PARD3: variants seen among roughly 807,000 people sequenced by gnomAD.
The protein encoded by PARD3 is par-3 family cell polarity regulator.
In PARD3, 75 loss-of-function variants were observed where a neutral mutation model predicts 155.4. The observed-to-expected ratio is 0.48, with a 90% confidence interval of 0.40 to 0.58. PARD3 has a LOEUF of 0.58. Ranked by LOEUF, PARD3 falls within the 20% of genes least tolerant of loss-of-function variation. The pLI is 0.00. For missense variants in PARD3, 1,642 were observed against 1,721.7 expected, an observed-to-expected ratio of 0.95 and a Z score of 0.82; for synonymous variants, 576 against 610.5, an observed-to-expected ratio of 0.94 and a Z score of 0.83.
chr10:34,269,544 G>T, intron 22 of PARD3, 113 bp downstream of exon 22: 1 of 1,143,316 alleles, frequency 8.7e-7, no homozygotes, highest in Non-Finnish European at 1.3e-6. Flanking sequence ...CTTTTTAAAG[G>T]CCATTAATAA....
intron 22 of PARD3, among the ~76,000 whole-genome samples, chr10:34,166,106 T>C (rs1408196572): frequency 1.3e-5 from 2 of 152,240 alleles, no homozygotes; most frequent in African/African-American, 4.8e-5. Flanking sequence ...AAGTACTTTA[T>C]TGCTGATAAA....
In PARD3 at chr10:34,666,446, T is replaced by C. The variant is rs185204559; in HGVS notation, c.222+29872A>G. 1.4e-4 allele frequency among the ~76,000 whole-genome samples: 22 copies of C among 152,116 alleles called. No individual in the cohort carries two copies. The East Asian group carries it at 4.1e-3, about 28-fold the overall frequency. On this transcript the variant is annotated intron_variant, in intron 2 of 24. Coordinates refer to ENST00000374788, the MANE Select transcript of PARD3 (RefSeq NM_001184785.2). The stretch of plus-strand genomic sequence containing the variant: ...CTCCTTGACAAAGCTTAGAAGTTAA[T>C]TCAGTATTACCACTAGACTCTAGGT...
chr10:34,782,507 T>G (rs1364769307), intron 1 of PARD3, among the ~76,000 whole-genome samples: 1 of 152,186 alleles, frequency 6.6e-6, no homozygotes, highest in Non-Finnish European at 1.5e-5. Flanking sequence ...TTAAATAACT[T>G]TAATCCTCAC....
chr10:34,197,841 T>C (rs998558965), intron 22 of PARD3, among the ~76,000 whole-genome samples: 1 of 152,200 alleles, frequency 6.6e-6, no homozygotes, highest in African/African-American at 2.4e-5. Flanking sequence ...GTGATTCTCC[T>C]GCCCCAGCCT....
intron 2 of PARD3, among the ~76,000 whole-genome samples, chr10:34,691,297 C>T (rs1216919675): frequency 6.6e-6 from 1 of 152,198 alleles, no homozygotes; most frequent in African/African-American, 2.4e-5. Context: ...TACACACCAA[C>T]AACATCCAAA....
intron 22 of PARD3, among the ~76,000 whole-genome samples, chr10:34,149,122 T>A (rs1454942810): frequency 6.6e-6 from 1 of 152,148 alleles, no homozygotes; most frequent in Non-Finnish European, 1.5e-5. Context: ...GGTGATGGTA[T>A]GTATTAAAAT....
intron 2 of PARD3, among the ~76,000 whole-genome samples, chr10:34,571,896 C>T (rs1312692990): frequency 1.3e-5 from 2 of 152,006 alleles, no homozygotes; most frequent in Admixed American, 1.3e-4. Flanking sequence ...AAAAAGTTAC[C>T]TAACAAGCAA....
At chr10:34,438,578 T>G (rs373797834) in intron 5 of PARD3, among the ~76,000 whole-genome samples, 1 of 152,152 alleles carries the variant, frequency 6.6e-6, no homozygotes, top group Non-Finnish European at 1.5e-5. Flanking sequence ...TCAGAAAAAG[T>G]AGGGACATTA....
intron 2 of PARD3, among the ~76,000 whole-genome samples, chr10:34,688,621 A>G (rs2093992841): frequency 6.6e-6 from 1 of 152,228 alleles, no homozygotes; most frequent in Non-Finnish European, 1.5e-5. Flanking sequence ...AGTATTCTAC[A>G]CCTTAGAAAA....
chr10:34,222,971 C>T (rs1360431572), intron 22 of PARD3, among the ~76,000 whole-genome samples: 1 of 152,204 alleles, frequency 6.6e-6, no homozygotes, highest in African/African-American at 2.4e-5. Flanking sequence ...AACCTTTTCG[C>T]AGGTGTACCG....
intron 1 of PARD3, among the ~76,000 whole-genome samples, chr10:34,782,686 A>G (rs954926924): frequency 9.9e-5 from 15 of 152,114 alleles, no homozygotes. Context: ...TATTCCAAGA[A>G]GGACTTAACG....
chr10:34,622,414 C>A (rs913835172), intron 2 of PARD3, among the ~76,000 whole-genome samples: 2 of 152,146 alleles, frequency 1.3e-5, no homozygotes, highest in African/African-American at 2.4e-5. Flanking sequence ...TTGTTTCCTT[C>A]TCTGAAATTT....
chr10:34,536,289 A>T (rs1449147115), intron 2 of PARD3, among the ~76,000 whole-genome samples: 1 of 152,246 alleles, frequency 6.6e-6, no homozygotes, highest in African/African-American at 2.4e-5. Flanking sequence ...TAATGTTGTT[A>T]TATCTTCAAA....
intron 22 of PARD3, among the ~76,000 whole-genome samples, chr10:34,167,195 C>A (rs1171241053): frequency 1.3e-5 from 2 of 152,172 alleles, no homozygotes; most frequent in Non-Finnish European, 2.9e-5. Flanking sequence ...ATGCTGTTCA[C>A]TAATAAGTAT....
intron 19 of PARD3, among the ~76,000 whole-genome samples, chr10:34,323,795 A>C (rs1022340448): frequency 6.6e-6 from 1 of 152,194 alleles, no homozygotes; most frequent in African/African-American, 2.4e-5. Context: ...GAGCAGGCAC[A>C]ATGAGGGTCA....
intron 2 of PARD3, among the ~76,000 whole-genome samples, chr10:34,605,515 A>G (rs1265776686): frequency 3.0e-5 from 2 of 66,826 alleles, no homozygotes; most frequent in Non-Finnish European, 6.2e-5. Flanking sequence ...AAATATATAT[A>G]TATATCTCCT....
intron 5 of PARD3, among the ~76,000 whole-genome samples, chr10:34,423,928 A>G (rs2075451144): frequency 6.6e-6 from 1 of 152,208 alleles, no homozygotes. Flanking sequence ...TTGAAAAGAA[A>G]TCATGAAACT....
intron 3 of PARD3, among the ~76,000 whole-genome samples, chr10:34,486,612 G>A (rs1454903253): frequency 6.6e-6 from 1 of 152,196 alleles, no homozygotes; most frequent in African/African-American, 2.4e-5. Context: ...AGGTAGCTTT[G>A]GATGAGGCAA....
intron 2 of PARD3, among the ~76,000 whole-genome samples, chr10:34,692,742 C>G (rs1161334191): frequency 6.6e-6 from 1 of 152,176 alleles, no homozygotes; most frequent in South Asian, 2.1e-4. Context: ...GGCATGGTGG[C>G]GGGCACCTGT....
Sources: gnomAD v4.1 joint callset for allele counts (sites outside exome capture counted in the v4.1 genomes callset) on GRCh38, gnomAD v4.1.1 for gene constraint, MANE v1.5 for transcripts, NCBI Gene and HGNC (gene_info 2026-07-23, HGNC 2026-07-21) for gene names.